FER1L6: variants seen among roughly 807,000 people sequenced by gnomAD.
FER1L6 encodes fer-1-like protein 6.
A neutral mutation model predicts 219.2 loss-of-function variants in FER1L6; 177 were observed. The observed-to-expected ratio is 0.81, with a 90% CI of 0.71 to 0.91. The LOEUF is 0.91. Ranked by LOEUF, FER1L6 falls within the 40% of genes least tolerant of loss-of-function variation. The pLI is 0.00. For missense variants in FER1L6, 2,153 were observed against 2,259.9 expected (o/e 0.95, Z 0.96); for synonymous variants, 768 against 824.3 (o/e 0.93, Z 1.17).
chr8:123,919,801 G>A (rs529810658), intron 1 of FER1L6, among the ~76,000 whole-genome samples: 31 of 152,132 alleles, frequency 2.0e-4, no homozygotes, highest in Non-Finnish European at 1.9e-4. Flanking sequence ...ATAGGTACCC[G>A]GAGCTCCCCT....
chr8:123,930,134 A>G (rs1295394022), intron 1 of FER1L6, among the ~76,000 whole-genome samples: 2 of 152,202 alleles, frequency 1.3e-5, no homozygotes, highest in African/African-American at 4.8e-5. Context: ...ATTGACATTG[A>G]CAGAATCCAC....
chr8:124,060,215 T>C lies in FER1L6; in HGVS notation c.2910T>C (p.Val970=). 3.7e-6 allele frequency: 6 copies of C among 1,614,140 alleles called. No homozygotes were observed. Among genetic ancestry groups the C allele is most frequent in the Admixed American group, 1.7e-5 (1 of 60,028 alleles). The change falls in exon 23 of 41, where the codon GTT becomes GTC. Residue 970 remains valine, a synonymous_variant. Transcript: ENST00000522917. ...CTGGGCTGCAAGGCCTCCCACCCGT[T>C]GAGCCACCAGACATCACCCAGATCT... is the stretch of plus-strand genomic sequence containing the variant. The part of the protein sequence containing the change: ...PPSGLQGLPP[V]EPPDITQIYP...
intron 1 of FER1L6, among the ~76,000 whole-genome samples, chr8:123,854,878 G>A (rs182747235): frequency 2.0e-5 from 3 of 152,220 alleles, no homozygotes; most frequent in African/African-American, 2.4e-5. Context: ...AATCTGTCTC[G>A]TATCCTAGTT....
chr8:123,927,260 T>C (rs1449181037), intron 1 of FER1L6, among the ~76,000 whole-genome samples: 1 of 152,082 alleles, frequency 6.6e-6, no homozygotes, highest in East Asian at 1.9e-4. Flanking sequence ...AATCTCATTT[T>C]GGGAAAAAAA....
intron 12 of FER1L6, among the ~76,000 whole-genome samples, chr8:123,996,828 G>A (rs932995851): frequency 1.3e-5 from 2 of 151,918 alleles, no homozygotes; most frequent in Non-Finnish European, 2.9e-5. Flanking sequence ...CTTGAAATAC[G>A]ATCTTGTAAC....
chr8:124,039,755 T>A, intron 19 of FER1L6, 127 bp from the exon 20 acceptor site: 1 of 1,176,806 alleles, frequency 8.5e-7, no homozygotes, highest in South Asian at 1.4e-5. Context: ...GGAGGGTGGA[T>A]GTGGCTGGTG....
chr8:123,977,366 G>T lies in FER1L6; in HGVS notation c.871-51G>T, dbSNP rs913923163. 6 of 1,536,238 alleles carry T rather than the reference G, an allele frequency of 3.9e-6. No homozygotes were observed. The African/African-American group carries it at 8.2e-5, about 21-fold the overall frequency. On this transcript the variant is annotated intron_variant, in intron 9 of 40. Coordinates refer to ENST00000522917, the MANE Select transcript of FER1L6 (RefSeq NM_001039112.2). ...TTCCAGCTGGCTTGAAGAGTTTTCT[G>T]TAGTCAGTCAGTCCCTTCCATGACT...
At chr8:123,990,585 C>A (rs1449155556) in intron 12 of FER1L6, among the ~76,000 whole-genome samples, 4 of 151,966 alleles carry the variant, frequency 2.6e-5, no homozygotes, top group East Asian at 1.9e-4. Flanking sequence ...TGTTTTCTTG[C>A]TGATTTGTTT....
chr8:124,006,482 C>T (rs1483022062), intron 13 of FER1L6, among the ~76,000 whole-genome samples: 1 of 152,200 alleles, frequency 6.6e-6, no homozygotes, highest in East Asian at 1.9e-4. Flanking sequence ...TGTCTACAAA[C>T]AACCCCTATA....
Position 123,932,485 on chromosome 8 carries a change from A to C in FER1L6, c.-7-23507A>C, listed in dbSNP as rs1026132747. On this transcript the variant is annotated intron_variant, in intron 1 of 40. Coordinates refer to ENST00000522917, the MANE Select transcript of FER1L6 (RefSeq NM_001039112.2). ...CTGTTTAAAATAGAACATAAGTTTT[A>C]ATATAAATTCATTTGAAAAATAACT... Among the ~76,000 whole-genome samples, 3 of 152,210 alleles carry C rather than the reference A, an allele frequency of 2.0e-5. No homozygotes were observed. In the East Asian group the frequency reaches 5.8e-4, roughly 29 times the overall value.
At chr8:124,000,080 G>A (rs1817334393) in intron 12 of FER1L6, among the ~76,000 whole-genome samples, 1 of 152,234 alleles carries the variant, frequency 6.6e-6, no homozygotes, top group Non-Finnish European at 1.5e-5. Flanking sequence ...TTCTGGCTAA[G>A]TCTGGTCTAG....
intron 1 of FER1L6, among the ~76,000 whole-genome samples, chr8:123,931,719 T>A (rs1270554030): frequency 6.6e-6 from 1 of 152,238 alleles, no homozygotes; most frequent in African/African-American, 2.4e-5. Flanking sequence ...AACAATTCAT[T>A]ATGTGCTATC....
Position 123,944,718 on chromosome 8 carries a change from C to T in FER1L6, c.-7-11274C>T, listed in dbSNP as rs768680291. Among the ~76,000 whole-genome samples the T allele has an allele frequency of 2.6e-5, 4 of 152,100 alleles. No individual in the cohort carries two copies. In the South Asian group the frequency reaches 6.2e-4, roughly 24 times the overall value. The stretch of plus-strand genomic sequence containing the variant: ...ACACACTATATGAGGTACAGGGTAA[C>T]CAGACCTGGGCCTGTGTCTCACCCA... On this transcript the variant is annotated intron_variant, in intron 1 of 40. Transcript: ENST00000522917.
intron 12 of FER1L6, among the ~76,000 whole-genome samples, chr8:123,998,565 C>T (rs1817256289): frequency 6.6e-6 from 1 of 152,094 alleles, no homozygotes; most frequent in Non-Finnish European, 1.5e-5. Flanking sequence ...TGTCTGGCTA[C>T]TGCCTGTGTT....
rs1252309356 is a variant in FER1L6 at position 123,853,900 on chromosome 8, G to A, written c.-8+1715G>A. Among the ~76,000 whole-genome samples, 2 of 152,160 alleles carry A rather than the reference G, an allele frequency of 1.3e-5. No individual in the cohort carries two copies. The highest frequency in any genetic ancestry group is 2.9e-5 in the Non-Finnish European group (2 of 68,040). ...GTCTCCTGCAACTCCACAGAGCCTG[G>A]ACAGGGCAGCAGAAGGTGCACCTCT... On this transcript the variant is annotated intron_variant, in intron 1 of 40. Coordinates refer to ENST00000522917, the MANE Select transcript of FER1L6 (RefSeq NM_001039112.2). This position sits in a 1 kb window ranked among gnomAD's most constrained non-coding sequence, Gnocchi z 6.6.
At position 124,076,074 on chromosome 8, in the gene FER1L6, G is replaced by A. The variant is rs958802023; in HGVS notation, c.4093-124G>A. 146 of 1,268,546 alleles carry A rather than the reference G, an allele frequency of 1.2e-4. 1 individual carries two copies. Among genetic ancestry groups the A allele is most frequent in the South Asian group, 6.6e-4 (44 of 66,760 alleles). 78.6% of individuals were successfully genotyped at this position (1,268,546 alleles called of 1,614,324 possible). ...TTTCAAAAGCCCAAAGCCCTGGCCC[G>A]TTAAATCAGACTATCTAGAGACAGA... On this transcript the variant is annotated intron_variant, in intron 31 of 40. Transcript: ENST00000522917.
At chr8:123,975,805 G>T in intron 8 of FER1L6, 93 bp from the exon 9 acceptor site, 1 of 983,380 alleles carries the variant, frequency 1.0e-6, no homozygotes, top group South Asian at 1.8e-5. Flanking sequence ...TCTTATATTG[G>T]GATCTTTCTT....
At chr8:124,015,605 A>ATGTGTG (rs200580607) in intron 15 of FER1L6, among the ~76,000 whole-genome samples, 1 of 116,672 alleles carries the variant, frequency 8.6e-6, no homozygotes, top group African/African-American at 3.6e-5. Context: ...ATATATATAT[A>ATGTGTG]TATATATATA....
At chr8:124,035,202 A>G (rs1819144213) in intron 18 of FER1L6, 75 bp from the exon 19 acceptor site, 1 of 1,465,288 alleles carries the variant, frequency 6.8e-7, no homozygotes. Context: ...TCCAGGAAGG[A>G]CCTCTTTTCT....
Sources: gnomAD v4.1 joint callset for allele counts (sites outside exome capture counted in the v4.1 genomes callset) on GRCh38, gnomAD v4.1.1 for gene constraint, Gnocchi (gnomAD v3.1) non-coding constraint, MANE v1.5 for transcripts, NCBI Gene and HGNC (gene_info 2026-07-23, HGNC 2026-07-21) for gene names.